Variants in ANKIB1 observed in about 807,000 individuals in gnomAD.
ANKIB1 encodes ankyrin repeat and IBR domain-containing protein 1.
In ANKIB1, 43 loss-of-function variants were observed where a neutral mutation model predicts 122.1. That is an observed-to-expected ratio of 0.35 (90% CI 0.28 to 0.45). ANKIB1 has a LOEUF of 0.45. Among genes scored for constraint, ANKIB1 ranks in the 20% least tolerant of loss-of-function variants. The pLI is 1.00. For synonymous variants in ANKIB1, 390 were observed against 442.0 expected, an observed-to-expected ratio of 0.88 and a Z score of 1.48; for missense variants, 992 against 1,329.5, an observed-to-expected ratio of 0.75 and a Z score of 3.95.
At chr7:92,360,464 A>G (rs369006719) in intron 9 of ANKIB1, among the ~76,000 whole-genome samples, 2 of 152,080 alleles carry the variant, frequency 1.3e-5, no homozygotes, top group African/African-American at 2.4e-5. Flanking sequence ...GTGTGTGTGT[A>G]TACTGCACAA....
chr7:92,300,161 C>G (rs1039876303), intron 2 of ANKIB1, among the ~76,000 whole-genome samples: 1 of 152,084 alleles, frequency 6.6e-6, no homozygotes, highest in Non-Finnish European at 1.5e-5. Context: ...AATATAAGAA[C>G]TGCTGATCTG....
chr7:92,256,585 T>C (rs1801450662), intron 1 of ANKIB1, among the ~76,000 whole-genome samples: 1 of 152,192 alleles, frequency 6.6e-6, no homozygotes, highest in South Asian at 2.1e-4. Flanking sequence ...AGTATACTAA[T>C]GTTACGGCTT....
chr7:92,377,687 C>G (rs1804415640), intron 11 of ANKIB1, among the ~76,000 whole-genome samples: 1 of 152,172 alleles, frequency 6.6e-6, no homozygotes, highest in South Asian at 2.1e-4. Context: ...CTTCATTCAA[C>G]TCTTCCAGAT....
chr7:92,305,277 G>A (rs1035107800), intron 2 of ANKIB1, among the ~76,000 whole-genome samples: 2 of 152,156 alleles, frequency 1.3e-5, no homozygotes, highest in Non-Finnish European at 2.9e-5. Context: ...ACAGAACTAG[G>A]ATTAGAACCT....
At chr7:92,358,823 T>C (rs1803881298) in intron 9 of ANKIB1, among the ~76,000 whole-genome samples, 1 of 152,202 alleles carries the variant, frequency 6.6e-6, no homozygotes, top group Non-Finnish European at 1.5e-5. Context: ...GGCTTTTTTT[T>C]CTAGCTTTAT....
chr7:92,288,906 C>T (rs1802192842), intron 1 of ANKIB1, among the ~76,000 whole-genome samples: 1 of 152,098 alleles, frequency 6.6e-6, no homozygotes, highest in South Asian at 2.1e-4. Flanking sequence ...ACCATGGTAA[C>T]TCTGAATGCT....
At chr7:92,263,800 T>G (rs1440909542) in intron 1 of ANKIB1, among the ~76,000 whole-genome samples, 4 of 152,202 alleles carry the variant, frequency 2.6e-5, no homozygotes, top group Admixed American at 1.3e-4. Flanking sequence ...CACTGTTGCT[T>G]ATGGGTATAA....
chr7:92,357,405 T>C (rs1333095910), intron 9 of ANKIB1, among the ~76,000 whole-genome samples: 1 of 152,102 alleles, frequency 6.6e-6, no homozygotes, highest in Non-Finnish European at 1.5e-5. Flanking sequence ...CCAGGGACTT[T>C]AGAATACTTG....
intron 14 of ANKIB1, 76 bp from the exon 15 acceptor site, chr7:92,389,891 GAAAA>G: frequency 8.4e-6 from 12 of 1,420,382 alleles, no homozygotes; most frequent in South Asian, 5.6e-5. Flanking sequence ...CCTTTTTTGA[GAAAA>G]AAAATCATTG....
At chr7:92,306,035 C>T (rs1802554722) in intron 2 of ANKIB1, among the ~76,000 whole-genome samples, 2 of 149,582 alleles carry the variant, frequency 1.3e-5, no homozygotes, top group South Asian at 2.2e-4. Flanking sequence ...ACCACCCCGC[C>T]CCAGGCCACC....
At chr7:92,253,452 T>C (rs1445787629) in intron 1 of ANKIB1, among the ~76,000 whole-genome samples, 1 of 152,176 alleles carries the variant, frequency 6.6e-6, no homozygotes, top group Non-Finnish European at 1.5e-5. Flanking sequence ...ACAACACCCA[T>C]TGTCCTCGCC....
chr7:92,267,317 A>G (rs1045122397), intron 1 of ANKIB1, among the ~76,000 whole-genome samples: 15 of 152,226 alleles, frequency 9.9e-5, no homozygotes, highest in East Asian at 3.9e-4. Flanking sequence ...CAACTATGTC[A>G]TTAGCATCCA....
At chr7:92,373,671 G>A (rs1585131652) in intron 11 of ANKIB1, among the ~76,000 whole-genome samples, 4 of 152,142 alleles carry the variant, frequency 2.6e-5, no homozygotes, top group East Asian at 3.8e-4. Context: ...ATGTGTAGGT[G>A]TAACAACATG....
intron 2 of ANKIB1, among the ~76,000 whole-genome samples, chr7:92,305,590 C>T (rs990593443): frequency 1.3e-5 from 2 of 152,080 alleles, no homozygotes; most frequent in Non-Finnish European, 2.9e-5. Flanking sequence ...AAAAGAGTGG[C>T]AAACTGAACT....
intron 2 of ANKIB1, among the ~76,000 whole-genome samples, chr7:92,306,816 A>G (rs969044917): frequency 6.6e-6 from 1 of 152,120 alleles, no homozygotes; most frequent in African/African-American, 2.4e-5. Context: ...TTAGCTGATG[A>G]CCTTGGTGGA....
chr7:92,363,137 G>A (rs908515946), intron 10 of ANKIB1, among the ~76,000 whole-genome samples: 4 of 152,092 alleles, frequency 2.6e-5, no homozygotes, highest in Admixed American at 6.5e-5. Context: ...GGGGCCGGGC[G>A]CAGGGGCTCA....
intron 7 of ANKIB1, among the ~76,000 whole-genome samples, chr7:92,349,621 A>C (rs931912220): frequency 6.6e-6 from 1 of 152,194 alleles, no homozygotes; most frequent in Non-Finnish European, 1.5e-5. Flanking sequence ...TCTGTACTTC[A>C]AAAGTTTGTT....
chr7:92,359,431 A>G (rs188520734), intron 9 of ANKIB1, among the ~76,000 whole-genome samples: 4 of 152,300 alleles, frequency 2.6e-5, no homozygotes, highest in Admixed American at 2.6e-4. Flanking sequence ...ATGGTATTCC[A>G]TGGTGTATAT....
chr7:92,265,170 A>G (rs1801646268), intron 1 of ANKIB1, among the ~76,000 whole-genome samples: 1 of 151,278 alleles, frequency 6.6e-6, no homozygotes. Flanking sequence ...GTAGAGATGG[A>G]GTCTTGCTGT....
Sources: gnomAD v4.1 joint callset for allele counts (sites outside exome capture counted in the v4.1 genomes callset) on GRCh38, gnomAD v4.1.1 for gene constraint, MANE v1.5 for transcripts, NCBI Gene and HGNC (gene_info 2026-07-23, HGNC 2026-07-21) for gene names.